Variants in TTC33 observed in about 807,000 individuals in gnomAD.
TTC33 encodes the protein tetratricopeptide repeat domain 33.
TTC33 carries 24 observed loss-of-function variants against 29.4 expected under a neutral mutation model. The observed-to-expected ratio is 0.82, with a 90% CI of 0.59 to 1.15. The LOEUF (loss-of-function observed/expected upper bound fraction) is 1.15, where lower values mean the gene tolerates loss of function less well. Ranked by LOEUF, TTC33 falls within the 50% of genes most tolerant of loss-of-function variation. The pLI, the probability that TTC33 is intolerant of heterozygous loss-of-function variation, is 0.00. For missense variants in TTC33, 286 were observed against 310.4 expected (o/e 0.92, Z 0.59); for synonymous variants, 107 against 100.3 (o/e 1.07, Z -0.40).
intron 2 of TTC33, among the ~76,000 whole-genome samples, chr5:40,731,856 CACTA>C (rs1329238074): frequency 1.3e-5 from 2 of 152,168 alleles, no homozygotes; most frequent in Admixed American, 1.3e-4. Flanking sequence ...GGCTCTAGCC[CACTA>C]ACTATGAGTA....
intron 2 of TTC33, among the ~76,000 whole-genome samples, chr5:40,738,489 C>CAATAAAATACAATAAAATAA: frequency 2.0e-5 from 2 of 101,646 alleles, no homozygotes; most frequent in South Asian, 3.5e-4. Flanking sequence ...CAATACAATA[C>CAATAAAATACAATAAAATAA]AATACAATAC....
chr5:40,733,226 T>C (rs763812229), intron 2 of TTC33, among the ~76,000 whole-genome samples: 6 of 152,262 alleles, frequency 3.9e-5, no homozygotes, highest in East Asian at 1.9e-4. Flanking sequence ...ACCTGGATGT[T>C]TGAGGTTTCA....
chr5:40,742,859 T>C (rs189533213), intron 2 of TTC33, among the ~76,000 whole-genome samples: 1 of 152,316 alleles, frequency 6.6e-6, no homozygotes, highest in East Asian at 1.9e-4. Flanking sequence ...TAAACGTATA[T>C]TCTATAGATA....
chr5:40,745,823 C>T (rs1393287426), intron 2 of TTC33, among the ~76,000 whole-genome samples: 1 of 151,978 alleles, frequency 6.6e-6, no homozygotes, highest in African/African-American at 2.4e-5. Flanking sequence ...CATCCTCGAA[C>T]TCCTGGGCTC....
At chr5:40,728,626 A>G (rs916863348) in intron 3 of TTC33, 150 bp from the exon 4 acceptor site, 1 of 653,060 alleles carries the variant, frequency 1.5e-6, no homozygotes, top group Non-Finnish European at 2.5e-6. Context: ...CATTCAGGGT[A>G]AGAAATTATA....
At chr5:40,737,106 G>A (rs1327815569) in intron 2 of TTC33, among the ~76,000 whole-genome samples, 4 of 151,982 alleles carry the variant, frequency 2.6e-5, no homozygotes, top group Admixed American at 2.6e-4. Context: ...GATCAGCCTG[G>A]GCAACATGGC....
Position 40,712,441 on chromosome 5 carries a change from A to G in TTC33, c.*3704T>C, listed in dbSNP as rs141428544. Among the ~76,000 whole-genome samples, 1,182 of 152,222 alleles carry G rather than the reference A, an allele frequency of 7.8e-3. 10 individuals are homozygous for G. The highest frequency in any genetic ancestry group is 0.026 in the African/African-American group (1,069 of 41,546). The stretch of plus-strand genomic sequence containing the variant: ...AACCACTTGAGACACAGACAGATGG[A>G]GATTCAATATTTTAAGTTTACTGCT... On this transcript the variant is annotated 3_prime_UTR_variant, in exon 5 of 5. Coordinates refer to ENST00000337702, the MANE Select transcript of TTC33 (RefSeq NM_012382.3).
intron 1 of TTC33, among the ~76,000 whole-genome samples, chr5:40,755,449 C>T (rs1403064772): frequency 6.6e-6 from 1 of 152,242 alleles, no homozygotes; most frequent in African/African-American, 2.4e-5. Flanking sequence ...ACGTCACCTG[C>T]GCGTTCACGG....
chr5:40,751,313 G>A (rs1229031195), intron 1 of TTC33, among the ~76,000 whole-genome samples: 1 of 152,230 alleles, frequency 6.6e-6, no homozygotes, highest in Non-Finnish European at 1.5e-5. Context: ...ATGACAGGGT[G>A]CACTGTCAAT....
rs1326849024 is a variant in TTC33, at chr5:40,728,439, T to G, written c.341A>C (p.His114Pro). The change falls in exon 4 of 5, where the codon CAT becomes CCT. Residue 114 changes from histidine to proline, a missense_variant. His to Pro is a moderately conservative substitution (Grantham distance 77). Transcript: ENST00000337702. Reference protein sequence around the residue: ...MSLHEMFPAVHAAEMAVQQNP... With the variant: ...MSLHEMFPAVPAAEMAVQQNP... The stretch of plus-strand genomic sequence containing the variant: ...TTGCTGGACGGCCATTTCTGCTGCA[T>G]GTACTGCTGGGAACATTTCATGAAG... 1.6e-5 allele frequency: 26 copies of G among 1,613,668 alleles called. No homozygotes were observed. The highest frequency in any genetic ancestry group is 2.0e-5 in the Non-Finnish European group (24 of 1,179,878).
At chr5:40,723,468 C>T (rs934018255) in intron 4 of TTC33, among the ~76,000 whole-genome samples, 1 of 149,262 alleles carries the variant, frequency 6.7e-6, no homozygotes, top group African/African-American at 2.5e-5. Flanking sequence ...CAATTAAAAA[C>T]CTCAAAGCAT....
chr5:40,717,221 C>T (rs1742019799), intron 4 of TTC33, among the ~76,000 whole-genome samples: 1 of 128,142 alleles, frequency 7.8e-6, no homozygotes, highest in Admixed American at 8.2e-5. Flanking sequence ...AAGAGCAAAA[C>T]TCCATCTCAA....
At chr5:40,738,444 A>AATACAATACAATAC (rs1561151050) in intron 2 of TTC33, among the ~76,000 whole-genome samples, 3 of 83,646 alleles carry the variant, frequency 3.6e-5, no homozygotes, top group Admixed American at 1.4e-4. Context: ...ATATAAAATA[A>AATACAATACAATAC]AATACAATAC....
Position 40,712,700 on chromosome 5 carries a change from C to T in TTC33, c.*3445G>A, listed in dbSNP as rs1741921327. Among the ~76,000 whole-genome samples the T allele has an allele frequency of 6.6e-6, 1 of 152,160 alleles. No individual in the cohort carries two copies. The highest frequency in any genetic ancestry group is 1.5e-5 in the Non-Finnish European group (1 of 68,016). ...AAATCCACAAAAGGGAAAAAAGAGGCTAGCATGCCCAGTTCTATATCTTAA... is the reference window on the plus strand; with the variant it reads ...AAATCCACAAAAGGGAAAAAAGAGGTTAGCATGCCCAGTTCTATATCTTAA... On this transcript the variant is annotated 3_prime_UTR_variant, in exon 5 of 5. Coordinates refer to ENST00000337702, the MANE Select transcript of TTC33 (RefSeq NM_012382.3).
chr5:40,731,966 C>T (rs929605823), intron 2 of TTC33, among the ~76,000 whole-genome samples: 40 of 152,116 alleles, frequency 2.6e-4, no homozygotes, highest in Non-Finnish European at 4.1e-4. Context: ...ATTATTTTCC[C>T]AAAAAGTTAA....
intron 2 of TTC33, among the ~76,000 whole-genome samples, chr5:40,731,573 C>A (rs1459361124): frequency 6.6e-6 from 1 of 152,198 alleles, no homozygotes. Context: ...GCTGAGCAAA[C>A]AGGGAAGCCC....
chr5:40,748,183 T>C (rs1265426297), intron 1 of TTC33, among the ~76,000 whole-genome samples: 1 of 151,948 alleles, frequency 6.6e-6, no homozygotes, highest in Non-Finnish European at 1.5e-5. Context: ...TATTTGATGA[T>C]ATTAAGAAAT....
chr5:40,741,977 G>A (rs547435467), intron 2 of TTC33, among the ~76,000 whole-genome samples: 408 of 152,104 alleles, frequency 2.7e-3, no homozygotes, highest in African/African-American at 9.3e-3. Flanking sequence ...CCAACAGAGC[G>A]AGACTCTGTC....
chr5:40,743,260 G>A (rs1742728092), intron 2 of TTC33, among the ~76,000 whole-genome samples: 1 of 152,090 alleles, frequency 6.6e-6, no homozygotes, highest in Non-Finnish European at 1.5e-5. Flanking sequence ...AAGACAGGCA[G>A]CAGAAAACCA....
Sources: gnomAD v4.1 joint callset for allele counts (sites outside exome capture counted in the v4.1 genomes callset) on GRCh38, gnomAD v4.1.1 for gene constraint, MANE v1.5 for transcripts, NCBI Gene and HGNC (gene_info 2026-07-23, HGNC 2026-07-21) for gene names.